Variants in MEIKIN observed in about 807,000 individuals in gnomAD.
MEIKIN encodes meiosis-specific kinetochore protein.
chr5:131,858,808 C>T (rs1003747096), intron 9 of MEIKIN, among the ~76,000 whole-genome samples: 1 of 152,044 alleles, frequency 6.6e-6, no homozygotes, highest in Non-Finnish European at 1.5e-5. Flanking sequence ...ATATGCACAG[C>T]CAACAAGCGT....
intron 11 of MEIKIN, among the ~76,000 whole-genome samples, chr5:131,826,645 G>A (rs191538787): frequency 6.6e-6 from 1 of 152,290 alleles, no homozygotes; most frequent in Admixed American, 6.5e-5. Flanking sequence ...AGTGAGAGAT[G>A]ACTGGATCCT....
At chr5:131,825,772 G>C (rs1749599516) in intron 11 of MEIKIN, among the ~76,000 whole-genome samples, 1 of 152,216 alleles carries the variant, frequency 6.6e-6, no homozygotes, top group Non-Finnish European at 1.5e-5. Context: ...TCTCCCAGGA[G>C]CCTGGCCACA....
intron 11 of MEIKIN, among the ~76,000 whole-genome samples, chr5:131,819,371 G>A (rs776904184): frequency 3.4e-5 from 5 of 148,120 alleles, no homozygotes; most frequent in Non-Finnish European, 7.4e-5. Context: ...GGAGGCCAAT[G>A]CAGGAGGATT....
Position 131,878,989 on chromosome 5 carries a change from T to C in MEIKIN, c.763A>G (p.Thr255Ala), listed in dbSNP as rs1580886572. The change falls in exon 9 of 13, where the codon ACA becomes GCA. Residue 255 changes from threonine to alanine, a missense_variant. Thr to Ala is a moderately conservative substitution (Grantham distance 58, BLOSUM62 0). Coordinates refer to ENST00000442687, the MANE Select transcript of MEIKIN (RefSeq NM_001303622.2). ...EKTCPSTPEK[T>A]KKKKTNSSTP... ...GCTTCAATACTTGCTTTTTTCTTTG[T>C]TTTTTCAGGGGTTGAAGGGCAAGTT... 6.0e-5 allele frequency: 24 copies of C among 398,558 alleles called. No homozygotes were observed. In the East Asian group the frequency reaches 8.2e-4, roughly 14 times the overall value. The allele number at this position is 398,558 out of a possible 1,614,324, so 24.7% of individuals were successfully genotyped here.
chr5:131,871,756 G>A (rs1580882422), intron 9 of MEIKIN, among the ~76,000 whole-genome samples: 1 of 152,164 alleles, frequency 6.6e-6, no homozygotes, highest in Admixed American at 6.5e-5. Context: ...CCCAGTAGGG[G>A]CGGACTGACA....
At chr5:131,915,120 C>T (rs1258817390) in intron 7 of MEIKIN, among the ~76,000 whole-genome samples, 2 of 152,148 alleles carry the variant, frequency 1.3e-5, no homozygotes, top group East Asian at 1.9e-4. Flanking sequence ...GCCAAATTTA[C>T]AGCCAAAACA....
At chr5:131,884,579 C>CT (rs1321801868) in intron 8 of MEIKIN, among the ~76,000 whole-genome samples, 1 of 151,724 alleles carries the variant, frequency 6.6e-6, no homozygotes, top group Admixed American at 6.6e-5. Context: ...CTGAGACTGG[C>CT]TGCAAGTGAC....
At chr5:131,865,831 G>A (rs531125402) in intron 9 of MEIKIN, among the ~76,000 whole-genome samples, 28 of 152,358 alleles carry the variant, frequency 1.8e-4, no homozygotes, top group African/African-American at 6.3e-4. Context: ...TTTCCTTGGT[G>A]GCTTAGCATG....
At chr5:131,916,083 G>A (rs1480344320) in intron 7 of MEIKIN, among the ~76,000 whole-genome samples, 1 of 152,170 alleles carries the variant, frequency 6.6e-6, no homozygotes. Flanking sequence ...TAAAGAGAAT[G>A]CCAGATGTCT....
At chr5:131,870,415 C>A (rs189659599) in intron 9 of MEIKIN, among the ~76,000 whole-genome samples, 2 of 152,072 alleles carry the variant, frequency 1.3e-5, no homozygotes, top group Non-Finnish European at 2.9e-5. Flanking sequence ...TTGAACCTGA[C>A]GATGGAGTTT....
chr5:131,906,819 T>C (rs981056436), intron 8 of MEIKIN, among the ~76,000 whole-genome samples: 4 of 151,794 alleles, frequency 2.6e-5, no homozygotes, highest in African/African-American at 4.8e-5. Flanking sequence ...AAACATTGGG[T>C]ATATATGGAC....
chr5:131,824,425 G>C (rs1404611028), intron 11 of MEIKIN, among the ~76,000 whole-genome samples: 4 of 151,870 alleles, frequency 2.6e-5, no homozygotes, highest in African/African-American at 9.7e-5. Context: ...GAGGCTGAGA[G>C]AGGAGAATCA....
intron 11 of MEIKIN, among the ~76,000 whole-genome samples, chr5:131,821,144 A>C (rs1749489468): frequency 6.6e-6 from 1 of 152,172 alleles, no homozygotes; most frequent in African/African-American, 2.4e-5. Flanking sequence ...TTACAGATCT[A>C]AATTTCCATT....
At chr5:131,835,192 GTGTGTGTATATATA>G (rs1413147224) in intron 11 of MEIKIN, among the ~76,000 whole-genome samples, 1 of 123,726 alleles carries the variant, frequency 8.1e-6, no homozygotes, top group Non-Finnish European at 1.6e-5. Flanking sequence ...ATATATATGT[GTGTGTGTATATATA>G]TGTGTGTATA....
intron 5 of MEIKIN, among the ~76,000 whole-genome samples, chr5:131,928,008 G>T: frequency 6.6e-6 from 1 of 151,826 alleles, no homozygotes; most frequent in East Asian, 1.9e-4. Flanking sequence ...GCCGGGCACG[G>T]TGGCGCGCGC....
intron 8 of MEIKIN, among the ~76,000 whole-genome samples, chr5:131,901,246 C>T (rs932779101): frequency 1.3e-5 from 2 of 152,136 alleles, no homozygotes; most frequent in Admixed American, 1.3e-4. Context: ...TGGCACAAAA[C>T]TATATAGGGA....
chr5:131,913,273 A>G (rs1342252490), intron 7 of MEIKIN, among the ~76,000 whole-genome samples: 1 of 152,214 alleles, frequency 6.6e-6, no homozygotes, highest in Non-Finnish European at 1.5e-5. Flanking sequence ...AATCCCTTTC[A>G]AGATGATCAT....
At chr5:131,865,071 C>CT (rs1394299922) in intron 9 of MEIKIN, among the ~76,000 whole-genome samples, 1 of 151,810 alleles carries the variant, frequency 6.6e-6, no homozygotes, top group African/African-American at 2.4e-5. Flanking sequence ...CTGTTTGGTT[C>CT]TTTTTTCAAT....
intron 9 of MEIKIN, among the ~76,000 whole-genome samples, chr5:131,875,845 T>C (rs907420330): frequency 6.6e-6 from 1 of 152,090 alleles, no homozygotes; most frequent in Admixed American, 6.5e-5. Context: ...ATGTCGCATA[T>C]CTACAACTAC....
Sources: gnomAD v4.1 joint callset for allele counts (sites outside exome capture counted in the v4.1 genomes callset) on GRCh38, gnomAD v4.1.1 for gene constraint, MANE v1.5 for transcripts, NCBI Gene and HGNC (gene_info 2026-07-23, HGNC 2026-07-21) for gene names.